Variants in RPAIN observed in about 807,000 individuals in gnomAD.
The protein encoded by RPAIN is RPA-interacting protein.
RPAIN carries 29 observed loss-of-function variants against 30.5 expected under a neutral mutation model. That is an observed-to-expected ratio of 0.95 (90% CI 0.71 to 1.30). The LOEUF (loss-of-function observed/expected upper bound fraction) is 1.30. Among genes scored for constraint, RPAIN ranks in the 50% most tolerant of loss-of-function variants. The pLI is 0.00. For missense variants in RPAIN, 247 were observed against 264.7 expected (o/e 0.93, Z 0.46); for synonymous variants, 101 against 93.5 (o/e 1.08, Z -0.46).
At chr17:5,425,235 C>CTGT in intron 3 of RPAIN, 1 of 448,130 alleles carries the variant, frequency 2.2e-6, no homozygotes, top group Non-Finnish European at 4.5e-6. Context: ...ATACTAGGTA[C>CTGT]TGTTGTATGT....
Position 5,427,956 on chromosome 17 carries a change from A to G in RPAIN, c.490-115A>G, listed in dbSNP as rs556209361. 7.5e-5 allele frequency: 72 copies of G among 963,502 alleles called. No homozygotes were observed. In the African/African-American group the frequency reaches 1.0e-3, roughly 14 times the overall value. 59.7% of individuals were successfully genotyped at this position (963,502 alleles called of 1,614,324 possible). On this transcript the variant is annotated intron_variant, in intron 5 of 6. Transcript: ENST00000381209. The stretch of plus-strand genomic sequence containing the variant: ...GGGCCCGAGTGTCTTTAAGGCTCCA[A>G]GGAGTCAAGCCATCACAGTGAGCCA...
At chr17:5,427,653 CTT>C (rs762296605) in intron 5 of RPAIN, 5 of 161,644 alleles carry the variant, frequency 3.1e-5, no homozygotes, top group South Asian at 1.6e-4. Context: ...AAAAATAAAA[CTT>C]ATTATTTACA....
chr17:5,432,846 AAAAAAATGATAATAAATGAGAACAC>A lies in RPAIN; in HGVS notation c.*280_*304del. On this transcript the variant is annotated 3_prime_UTR_variant, in exon 7 of 7. Transcript: ENST00000381209. Reference sequence around the variant, plus strand: ...ATCTAGAAATAATAGATTTGTACAGAAAAAAATGATAATAAATGAGAACACAAAACATATAATTTAAATTTGGTAT... The same window carrying A: ...ATCTAGAAATAATAGATTTGTACAGAAAAACATATAATTTAAATTTGGTAT... The A allele has an allele frequency of 3.1e-6, 3 of 963,556 alleles. No homozygotes were observed. Among genetic ancestry groups the A allele is most frequent in the Non-Finnish European group, 4.4e-6 (3 of 683,440 alleles). The allele number at this position is 963,556 out of a possible 1,614,324, so 59.7% of individuals were successfully genotyped here. A position where few individuals can be genotyped will look rare whatever the true frequency, so the allele number is the denominator to read the frequency against.
At chr17:5,420,343 C>G (rs767694713) in intron 1 of RPAIN, 52 bp downstream of exon 1, 1 of 1,505,522 alleles carries the variant, frequency 6.6e-7, no homozygotes, top group Non-Finnish European at 9.2e-7. Context: ...CGGTGACCGC[C>G]GTCTTCCCTG....
At chr17:5,428,455 T>C in intron 6 of RPAIN, 1 of 1,436,188 alleles carries the variant, frequency 7.0e-7, no homozygotes, top group Non-Finnish European at 9.1e-7. Context: ...GACGCCTGGC[T>C]CCACACCTGC....
intron 3 of RPAIN, chr17:5,423,075 G>T (rs1175976699): frequency 7.6e-6 from 3 of 395,636 alleles, no homozygotes; most frequent in Non-Finnish European, 1.3e-5. Flanking sequence ...TGACTGCCCT[G>T]TAAGATAGTA....
rs556409341 is a variant in RPAIN, at chr17:5,422,474, A to G, written c.253-295A>G. ...GAGGCCAAAACTGAGATTTGCAGAG[A>G]TTAGGAACTTTTCATGTGGTTACGT... On this transcript the variant is annotated intron_variant, in intron 2 of 6. Coordinates refer to ENST00000381209, the MANE Select transcript of RPAIN (RefSeq NM_001033002.4). Among the ~76,000 whole-genome samples, 17 of 152,292 alleles carry G rather than the reference A, an allele frequency of 1.1e-4. No homozygotes were observed. The East Asian group carries it at 1.4e-3, about 12-fold the overall frequency.
chr17:5,424,609 T>C (rs1010830075), intron 3 of RPAIN, among the ~76,000 whole-genome samples: 4 of 152,198 alleles, frequency 2.6e-5, no homozygotes, highest in African/African-American at 9.6e-5. Flanking sequence ...ACCTCTAACA[T>C]TCACTTGGCT....
chr17:5,425,310 G>T (rs1381735873), intron 3 of RPAIN: 1 of 455,770 alleles, frequency 2.2e-6, no homozygotes. Context: ...AATCAGCAGG[G>T]TCGTCCTGGC....
intron 3 of RPAIN, chr17:5,425,586 T>G (rs1915309346): frequency 2.8e-6 from 1 of 351,080 alleles, no homozygotes; most frequent in Non-Finnish European, 5.5e-6. Flanking sequence ...TCTGCCTGCC[T>G]CAGCCTCCCA....
Position 5,421,572 on chromosome 17 carries a change from A to T in RPAIN, c.252+106A>T, listed in dbSNP as rs960537347. 7 of 995,254 alleles carry T rather than the reference A, an allele frequency of 7.0e-6. No individual in the cohort carries two copies. In the African/African-American group the frequency reaches 1.2e-4, roughly 16 times the overall value. The allele number at this position is 995,254 out of a possible 1,614,324, so 61.7% of individuals were successfully genotyped here. A position where few individuals can be genotyped will look rare whatever the true frequency, so the allele number is the denominator to read the frequency against. On this transcript the variant is annotated intron_variant, in intron 2 of 6. Coordinates refer to ENST00000381209, the MANE Select transcript of RPAIN (RefSeq NM_001033002.4). ...AGTCCTCTAAACCCACCATTCCCCT[A>T]ACCCCATTTAGAATTCAACAGCCTT... is the stretch of plus-strand genomic sequence containing the variant.
At chr17:5,422,680 C>A (rs1054429236) in intron 2 of RPAIN, 89 bp from the exon 3 acceptor site, 1 of 1,239,620 alleles carries the variant, frequency 8.1e-7, no homozygotes, top group Non-Finnish European at 1.2e-6. Flanking sequence ...AATCTGGGTT[C>A]TTCAAGCCAG....
chr17:5,421,547 AG>A (rs1191931856), intron 2 of RPAIN, 81 bp downstream of exon 2: 1 of 1,346,472 alleles, frequency 7.4e-7, no homozygotes, highest in African/African-American at 1.5e-5. Context: ...TGTTTACTTG[AG>A]TCCTCTAAAC....
rs766714311 is a variant in RPAIN, at chr17:5,420,267, G to T, written c.57G>T (p.Pro19=). 3.1e-6 allele frequency: 5 copies of T among 1,613,388 alleles called. No homozygotes were observed. The highest frequency in any genetic ancestry group is 4.2e-6 in the Non-Finnish European group (5 of 1,179,840). Residue 19 remains proline, a synonymous_variant, in exon 1 of 7, where the codon CCG becomes CCT. Transcript: ENST00000381209. ...RRSLYKLVGS[P]PWKEAFRQRC... ...CCCTGTACAAACTGGTGGGCTCGCC[G>T]CCTTGGAAAGAGGCTTTCCGGCAGG... is the stretch of plus-strand genomic sequence containing the variant.
chr17:5,425,261 GC>G, intron 3 of RPAIN: 1 of 453,640 alleles, frequency 2.2e-6, no homozygotes, highest in Non-Finnish European at 4.4e-6. Context: ...GAATGAATGA[GC>G]ACACAGATTC....
rs1311011329 is a variant in RPAIN at position 5,422,682 on chromosome 17, T to C, written c.253-87T>C. 19 of 1,289,636 alleles carry C rather than the reference T, an allele frequency of 1.5e-5. No individual in the cohort carries two copies. The East Asian group carries it at 3.8e-4, about 26-fold the overall frequency. 79.9% of individuals were successfully genotyped at this position (1,289,636 alleles called of 1,614,324 possible). ...ATTTTGTCCAATAAATCTGGGTTCT[T>C]CAAGCCAGCCTCCAAGTATGAATCA... On this transcript the variant is annotated intron_variant, in intron 2 of 6. Coordinates refer to ENST00000381209, the MANE Select transcript of RPAIN (RefSeq NM_001033002.4).
chr17:5,422,992 CAAT>C (rs1915021847), intron 3 of RPAIN, 163 bp downstream of exon 3: 2 of 589,466 alleles, frequency 3.4e-6, no homozygotes, highest in Non-Finnish European at 6.0e-6. Flanking sequence ...TCTAGCTTCT[CAAT>C]AATAAGGGTC....
intron 6 of RPAIN, chr17:5,431,544 C>T (rs914717937): frequency 2.3e-6 from 1 of 439,692 alleles, no homozygotes; most frequent in East Asian, 9.3e-5. Flanking sequence ...GTCTTGAGTT[C>T]AACATTTGGA....
chr17:5,424,683 A>G, intron 3 of RPAIN, among the ~76,000 whole-genome samples: 1 of 152,200 alleles, frequency 6.6e-6, no homozygotes, highest in African/African-American at 2.4e-5. Context: ...CAGTTTCTTC[A>G]CCTTTGAAAT....
Sources: gnomAD v4.1 joint callset for allele counts (sites outside exome capture counted in the v4.1 genomes callset) on GRCh38, gnomAD v4.1.1 for gene constraint, MANE v1.5 for transcripts, NCBI Gene and HGNC (gene_info 2026-07-23, HGNC 2026-07-21) for gene names.